KIF6: variants seen among roughly 807,000 people sequenced by gnomAD.
KIF6 encodes the protein kinesin-like protein KIF6.
Under a neutral mutation model 112.7 loss-of-function variants are expected in KIF6, and 106 were observed. That is an observed-to-expected ratio of 0.94 (90% CI 0.80 to 1.11). KIF6 has a LOEUF of 1.11. KIF6 is among the 50% of genes least tolerant of loss of function. The probability of loss-of-function intolerance (pLI) is 0.00; values close to 1 mark genes in which losing one functional copy is unlikely to be tolerated. For missense variants in KIF6, 929 were observed against 964.0 expected (o/e 0.96, Z 0.48); for synonymous variants, 339 against 339.9 (o/e 1.00, Z 0.03).
intron 15 of KIF6, among the ~76,000 whole-genome samples, chr6:39,415,301 T>TAAAA (rs5875672): frequency 2.2e-5 from 2 of 89,454 alleles, no homozygotes; most frequent in Non-Finnish European, 4.3e-5. Flanking sequence ...TTTTAAAATG[T>TAAAA]AAAAAAAAAA....
rs533792808 is a variant in KIF6 at position 39,376,372 on chromosome 6, G to A, written c.1861+9250C>T. ...ACAGAGGTAATACTGTGACACTTGA[G>A]GGCTGTGGAGTGCTAGAGATTCATC... is the stretch of plus-strand genomic sequence containing the variant. On this transcript the variant is annotated intron_variant, in intron 16 of 22. Transcript: ENST00000287152. Among the ~76,000 whole-genome samples the A allele has an allele frequency of 2.0e-5, 3 of 152,296 alleles. No individual in the cohort carries two copies. The South Asian group carries it at 6.2e-4, about 32-fold the overall frequency.
intron 3 of KIF6, among the ~76,000 whole-genome samples, chr6:39,663,332 A>C (rs1159742394): frequency 6.6e-6 from 1 of 152,218 alleles, no homozygotes; most frequent in Non-Finnish European, 1.5e-5. Flanking sequence ...ATAGGACTAT[A>C]AGGATTTGTT....
chr6:39,375,393 A>G (rs1766363482), intron 16 of KIF6, among the ~76,000 whole-genome samples: 1 of 152,256 alleles, frequency 6.6e-6, no homozygotes, highest in Admixed American at 6.5e-5. Flanking sequence ...GAATATGTTA[A>G]TTAGCTTGAT....
chr6:39,507,478 T>C (rs1776486320), intron 13 of KIF6, among the ~76,000 whole-genome samples: 1 of 152,130 alleles, frequency 6.6e-6, no homozygotes, highest in Admixed American at 6.5e-5. Context: ...GGTAATTTTT[T>C]TTGGAGGCCC....
In KIF6 at chr6:39,330,943, G is replaced by A. The variant is rs1282873798; in HGVS notation, c.*5589C>T. 1.3e-5 allele frequency: 2 copies of A among 152,418 alleles called. No homozygotes were observed. Among genetic ancestry groups the A allele is most frequent in the East Asian group, 1.9e-4 (1 of 5,200 alleles). 9.4% of individuals were successfully genotyped at this position (152,418 alleles called of 1,614,324 possible). A position where few individuals can be genotyped will look rare whatever the true frequency, so the allele number is the denominator to read the frequency against. On this transcript the variant is annotated 3_prime_UTR_variant, in exon 23 of 23. Transcript: ENST00000287152. ...GAGCCCTGGCAGTCCCTGGACACGT[G>A]TTATGGAAGGAACACTGTCTCCCCC...
intron 3 of KIF6, among the ~76,000 whole-genome samples, chr6:39,685,373 C>T (rs543985832): frequency 3.3e-5 from 5 of 152,196 alleles, no homozygotes; most frequent in Admixed American, 6.5e-5. Context: ...GCAGATATGA[C>T]GTGGGAGAAT....
rs781474004 is a variant in KIF6 at position 39,586,246 on chromosome 6, G to C, written c.990+15C>G. 3 of 1,613,760 alleles carry C rather than the reference G, an allele frequency of 1.9e-6. No homozygotes were observed. Among genetic ancestry groups the C allele is most frequent in the Non-Finnish European group, 1.7e-6 (2 of 1,179,852 alleles). ...AAACCTAGATTAAGATCTCCAGAAA[G>C]AAGAGCCCACATACATCAAGATTCC... On this transcript the variant is annotated intron_variant, in intron 8 of 22. Coordinates refer to ENST00000287152, the MANE Select transcript of KIF6 (RefSeq NM_145027.6).
intron 20 of KIF6, among the ~76,000 whole-genome samples, chr6:39,346,087 C>CTCTCTCTCTCTCTCTCT (rs1562112885): frequency 1.1e-3 from 3 of 2,824 alleles, no homozygotes; most frequent in Admixed American, 4.6e-3. Context: ...TCTCTCTCTC[C>CTCTCTCTCTCTCTCTCT]CCCCCCTCTC....
rs775726340 is a variant in KIF6, at chr6:39,720,766, T to C, written c.112A>G (p.Ile38Val). 1.2e-6 allele frequency: 2 copies of C among 1,608,704 alleles called. No homozygotes were observed. The highest frequency in any genetic ancestry group is 4.5e-5 in the East Asian group (2 of 44,806). The change falls in exon 2 of 23, where the codon ATC becomes GTC. Residue 38 changes from isoleucine to valine, a missense_variant. Ile to Val is a conservative substitution (Grantham distance 29). This residue lies in a region of KIF6 where 688 missense variants were observed against 662.7 expected (regional missense o/e 1.04). Coordinates refer to ENST00000287152, the MANE Select transcript of KIF6 (RefSeq NM_145027.6). ...EDEKLIPSLE[I>V]ILPRDLADGF... ...TCTGCCAAATCACGTGGTAAGATGATTTCCAAGCTAGGTATTAATTTTTCA... is the reference window on the plus strand; with the variant it reads ...TCTGCCAAATCACGTGGTAAGATGACTTCCAAGCTAGGTATTAATTTTTCA...
At chr6:39,676,108 A>T (rs946657014) in intron 3 of KIF6, among the ~76,000 whole-genome samples, 1 of 151,968 alleles carries the variant, frequency 6.6e-6, no homozygotes, top group Non-Finnish European at 1.5e-5. Context: ...TTGGTGACAG[A>T]CATGAATCCT....
intron 15 of KIF6, among the ~76,000 whole-genome samples, chr6:39,388,255 A>G (rs1767584858): frequency 6.6e-6 from 1 of 151,720 alleles, no homozygotes. Context: ...GGAACGACCA[A>G]GTTCCTTTTT....
chr6:39,649,055 C>T (rs185086477), intron 3 of KIF6, among the ~76,000 whole-genome samples: 4 of 151,370 alleles, frequency 2.6e-5, no homozygotes, highest in Admixed American at 1.3e-4. Flanking sequence ...CCTAGCTACT[C>T]GAGAGGCTAA....
At chr6:39,627,958 A>T (rs1239769916) in intron 5 of KIF6, among the ~76,000 whole-genome samples, 1 of 152,140 alleles carries the variant, frequency 6.6e-6, no homozygotes, top group Non-Finnish European at 1.5e-5. Context: ...ATACTAAAAA[A>T]TTTCTAAATA....
intron 13 of KIF6, among the ~76,000 whole-genome samples, chr6:39,537,976 C>T (rs1234634347): frequency 6.6e-6 from 1 of 152,212 alleles, no homozygotes; most frequent in Non-Finnish European, 1.5e-5. Context: ...AAAGGATTCC[C>T]TATTTAACAA....
intron 13 of KIF6, among the ~76,000 whole-genome samples, chr6:39,466,880 A>T (rs1413776456): frequency 6.6e-6 from 1 of 152,208 alleles, no homozygotes; most frequent in Non-Finnish European, 1.5e-5. Context: ...CCTGCTCATA[A>T]AGTGATGGCT....
chr6:39,357,445 A>ATT, intron 18 of KIF6, 71 bp from the exon 19 acceptor site: 1 of 855,686 alleles, frequency 1.2e-6, no homozygotes, highest in Non-Finnish European at 1.8e-6. Context: ...TTTTGATGTA[A>ATT]TTCTTTTTTT....
chr6:39,522,239 G>A (rs933199717), intron 13 of KIF6, among the ~76,000 whole-genome samples: 3 of 152,114 alleles, frequency 2.0e-5, no homozygotes, highest in African/African-American at 2.4e-5. Context: ...CCCAGATACC[G>A]TTTCAGAATT....
At chr6:39,544,842 T>C in intron 11 of KIF6, 149 bp from the exon 12 acceptor site, 1 of 447,970 alleles carries the variant, frequency 2.2e-6, no homozygotes, top group Non-Finnish European at 3.9e-6. Context: ...TGCAGTTGCT[T>C]TTTTGGCTTG....
chr6:39,714,957 G>T, intron 2 of KIF6, 191 bp from the exon 3 acceptor site: 2 of 533,882 alleles, frequency 3.7e-6, no homozygotes, highest in Non-Finnish European at 3.3e-6. Flanking sequence ...CAAATGGTGG[G>T]TAAACAGTAT....
Sources: gnomAD v4.1 joint callset for allele counts (sites outside exome capture counted in the v4.1 genomes callset) on GRCh38, gnomAD v4.1.1 for gene constraint, gnomAD v4.1.1 regional missense constraint, MANE v1.5 for transcripts, NCBI Gene and HGNC (gene_info 2026-07-23, HGNC 2026-07-21) for gene names.